Variants in TAB2 observed in about 807,000 individuals in gnomAD.
TAB2 encodes the protein TGF-beta activated kinase 1 (MAP3K7) binding protein 2, also known as TGF-beta-activated kinase 1 and MAP3K7-binding protein 2.
TAB2 carries 3 observed loss-of-function variants against 65.0 expected under a neutral mutation model. The observed-to-expected ratio is 0.05, with a 90% CI of 0.02 to 0.12. TAB2 has a LOEUF of 0.12. Ranked by LOEUF, TAB2 falls within the 10% of genes least tolerant of loss-of-function variation. TAB2 has a pLI of 1.00. For missense variants in TAB2, 623 were observed against 840.3 expected (o/e 0.74, Z 3.20); for synonymous variants, 298 against 285.1 (o/e 1.05, Z -0.46).
At chr6:149,357,277 G>A (rs145357027) in intron 1 of TAB2, among the ~76,000 whole-genome samples, 1,664 of 151,924 alleles carry the variant, frequency 0.011, 28 homozygotes, top group African/African-American at 0.038. Flanking sequence ...CTAATCGGGC[G>A]TGGTGGTGTG....
chr6:149,395,299 A>G (rs571882737), intron 3 of TAB2, among the ~76,000 whole-genome samples: 2 of 152,352 alleles, frequency 1.3e-5, no homozygotes, highest in African/African-American at 2.4e-5. Flanking sequence ...CTCAACAGAT[A>G]TGTTTAATTA....
chr6:149,319,751 T>A (rs532512883), intron 1 of TAB2, among the ~76,000 whole-genome samples: 2 of 152,210 alleles, frequency 1.3e-5, no homozygotes, highest in African/African-American at 2.4e-5. Context: ...CTGAATATAC[T>A]CCATTATTTC....
intron 1 of TAB2, among the ~76,000 whole-genome samples, chr6:149,352,427 A>C (rs1239612107): frequency 1.6e-4 from 24 of 152,202 alleles, no homozygotes; most frequent in Admixed American, 1.6e-3. Flanking sequence ...GAATCAAGTT[A>C]CATACAAGTT....
intron 1 of TAB2, among the ~76,000 whole-genome samples, chr6:149,281,722 C>A (rs147871975): frequency 3.5e-4 from 53 of 151,798 alleles, no homozygotes; most frequent in African/African-American, 1.1e-3. Context: ...GGGACCTAAA[C>A]AACCCAATTA....
rs1285479585 is a variant in TAB2, at chr6:149,409,901, C to A, written c.*182C>A. ...TAATACCTCAGTATAATGTCATGAGCAGTTGAAATTCATCACATGAAAAGT... is the reference window on the plus strand; with the variant it reads ...TAATACCTCAGTATAATGTCATGAGAAGTTGAAATTCATCACATGAAAAGT... On this transcript the variant is annotated 3_prime_UTR_variant, in exon 7 of 7. Transcript: ENST00000637181. The A allele has an allele frequency of 2.5e-5, 17 of 689,444 alleles. No individual in the cohort carries two copies. The East Asian group carries it at 4.4e-4, about 18-fold the overall frequency. 42.7% of individuals were successfully genotyped at this position (689,444 alleles called of 1,614,324 possible).
intron 1 of TAB2, among the ~76,000 whole-genome samples, chr6:149,275,697 C>T (rs1264487596): frequency 2.6e-5 from 4 of 152,170 alleles, no homozygotes; most frequent in Non-Finnish European, 5.9e-5. Context: ...GGTGTTCAAA[C>T]TCAGCATCAA....
intron 6 of TAB2, among the ~76,000 whole-genome samples, chr6:149,403,263 T>A (rs867746673): frequency 4.6e-5 from 2 of 43,632 alleles, no homozygotes; most frequent in East Asian, 9.8e-4. Flanking sequence ...TATATATATA[T>A]ATATATATAT....
chr6:149,403,275 TATATATATACACAC>T (rs1422174524), intron 6 of TAB2, among the ~76,000 whole-genome samples: 1,083 of 43,350 alleles, frequency 0.025, 44 homozygotes, highest in African/African-American at 0.037. Context: ...TATATATATA[TATATATATACACAC>T]ACACACATAT....
intron 1 of TAB2, among the ~76,000 whole-genome samples, chr6:149,307,961 G>A (rs1779098358): frequency 6.6e-6 from 1 of 152,048 alleles, no homozygotes; most frequent in African/African-American, 2.4e-5. Flanking sequence ...TTTAAAATGG[G>A]ATCATAGTAT....
chr6:149,261,278 G>A (rs1437066851), intron 1 of TAB2, among the ~76,000 whole-genome samples: 1 of 152,116 alleles, frequency 6.6e-6, no homozygotes, highest in Non-Finnish European at 1.5e-5. Context: ...AAATGAAGAG[G>A]CATGTAAAAG....
chr6:149,347,850 A>G (rs367894341), intron 1 of TAB2, among the ~76,000 whole-genome samples: 5 of 152,226 alleles, frequency 3.3e-5, no homozygotes, highest in Non-Finnish European at 5.9e-5. Context: ...TAATATGTCA[A>G]TAATGTAAAA....
upstream of TAB2, among the ~76,000 whole-genome samples, chr6:149,313,947 T>C (rs184962702): frequency 3.3e-4 from 51 of 152,284 alleles, 1 homozygote; most frequent in East Asian, 7.9e-3. Flanking sequence ...CACTACCATC[T>C]TCCATCTTAC....
At chr6:149,331,960 G>A (rs1779797572) in intron 1 of TAB2, among the ~76,000 whole-genome samples, 1 of 152,156 alleles carries the variant, frequency 6.6e-6, no homozygotes, top group African/African-American at 2.4e-5. Flanking sequence ...GACAGTAATA[G>A]GAAAGGGTGA....
rs1441258153 is a variant in TAB2 at position 149,311,620 on chromosome 6, T to TTGG, written c.-120-66396_-120-66394dup. Among the ~76,000 whole-genome samples the TTGG allele has an allele frequency of 2.0e-5, 3 of 152,202 alleles. 1 individual carries two copies. Among genetic ancestry groups the TTGG allele is most frequent in the Admixed American group, 6.5e-5 (1 of 15,286 alleles). On this transcript the variant is annotated intron_variant, in intron 1 of 1. Coordinates refer to the TAB2 transcript ENST00000606202. Reference sequence around the variant, plus strand: ...AAACCTCCCTATCTTTAGTTGTGAATTGGTAGTAGTAGTAGTAATGGTACC... The same window carrying TTGG: ...AAACCTCCCTATCTTTAGTTGTGAATTGGTGGTAGTAGTAGTAGTAATGGTACC...
chr6:149,391,763 A>G (rs1310310509), intron 3 of TAB2, among the ~76,000 whole-genome samples: 1 of 151,580 alleles, frequency 6.6e-6, no homozygotes, highest in Non-Finnish European at 1.5e-5. Context: ...GGCTGGTGAA[A>G]CTCCTGGGCT....
intron 1 of TAB2, among the ~76,000 whole-genome samples, chr6:149,254,022 GA>G (rs1302166479): frequency 8.8e-5 from 11 of 124,730 alleles, no homozygotes; most frequent in Middle Eastern, 4.5e-3. Flanking sequence ...AAGAAAGAAA[GA>G]AAAGAAAGAA....
intron 1 of TAB2, among the ~76,000 whole-genome samples, chr6:149,347,470 A>G (rs1009791275): frequency 6.6e-6 from 1 of 152,204 alleles, no homozygotes; most frequent in Non-Finnish European, 1.5e-5. Context: ...TGCTCCCTTT[A>G]AATTTTAAAT....
intron 1 of TAB2, among the ~76,000 whole-genome samples, chr6:149,282,611 GA>G (rs1778594205): frequency 6.6e-6 from 1 of 152,084 alleles, no homozygotes; most frequent in African/African-American, 2.4e-5. Flanking sequence ...TGACCATAAG[GA>G]AATTAAATCA....
At chr6:149,346,657 T>C (rs969553395) in intron 1 of TAB2, 4 of 152,174 alleles carry the variant, frequency 2.6e-5, no homozygotes, top group South Asian at 2.1e-4. Flanking sequence ...CTTCACCATA[T>C]TGGTCAGGCT....
Sources: allele counts gnomAD v4.1 joint callset (sites outside exome capture counted in the v4.1 genomes callset), GRCh38; gene constraint gnomAD v4.1.1; transcripts MANE v1.5; gene names NCBI Gene and HGNC (gene_info 2026-07-23, HGNC 2026-07-21).